The following KLHL8 variants were observed in gnomAD, a reference collection of about 807,000 sequenced individuals.
The protein encoded by KLHL8 is kelch like family member 8.
In KLHL8, 38 loss-of-function variants were observed where a neutral mutation model predicts 63.5. The observed-to-expected ratio is 0.60, with a 90% CI of 0.46 to 0.78. KLHL8 has a LOEUF of 0.78. Among genes scored for constraint, KLHL8 ranks in the 30% least tolerant of loss-of-function variants. KLHL8 has a pLI of 0.00. For missense variants in KLHL8, 566 were observed against 752.4 expected (o/e 0.75, Z 2.90); for synonymous variants, 224 against 254.3 (o/e 0.88, Z 1.13).
upstream of KLHL8, among the ~76,000 whole-genome samples, chr4:87,223,848 G>A (rs28513782): frequency 0.25 from 38,483 of 151,900 alleles, 5,409 homozygotes; most frequent in Non-Finnish European, 0.31. Flanking sequence ...TAAATCGGAC[G>A]AAATGTCTTC....
chr4:87,220,562 G>A lies in KLHL8; in HGVS notation c.-296C>T, dbSNP rs942322265. The A allele has an allele frequency of 1.3e-5, 2 of 152,018 alleles. No individual in the cohort carries two copies. The highest frequency in any genetic ancestry group is 1.3e-4 in the Admixed American group (2 of 15,252). The allele number at this position is 152,018 out of a possible 1,614,324, so 9.4% of individuals were successfully genotyped here. On this transcript the variant is annotated 5_prime_UTR_variant, in exon 1 of 10. Coordinates refer to ENST00000273963, the MANE Select transcript of KLHL8 (RefSeq NM_020803.5). ...GCGCGCTCTCCTGCGCGGCCCCGCG[G>A]AGCCCCGGCGGGCGCTTGGCGTCCT...
In KLHL8 at chr4:87,161,066, T is replaced by TG. The variant is rs1730146250; in HGVS notation, c.*2452dup. The stretch of plus-strand genomic sequence containing the variant: ...CTTTTTTTTTTTTTTTTTTTTGAGA[T>TG]GGAGTTTCACTCTTGTTTCACCGCT... On this transcript the variant is annotated 3_prime_UTR_variant, in exon 10 of 10. Coordinates refer to ENST00000273963, the MANE Select transcript of KLHL8 (RefSeq NM_020803.5). 2 of 136,044 alleles carry TG rather than the reference T, an allele frequency of 1.5e-5. No homozygotes were observed. The highest frequency in any genetic ancestry group is 4.5e-4 in the South Asian group (2 of 4,410). 8.4% of individuals were successfully genotyped at this position (136,044 alleles called of 1,614,324 possible). A position where few individuals can be genotyped will look rare whatever the true frequency, so the allele number is the denominator to read the frequency against.
intron 5 of KLHL8, among the ~76,000 whole-genome samples, chr4:87,177,976 G>T (rs1730895128): frequency 6.6e-6 from 1 of 152,040 alleles, no homozygotes; most frequent in East Asian, 1.9e-4. Flanking sequence ...ACTTCTGGGT[G>T]TTTGTGTTGC....
chr4:87,240,369 T>C (rs1037575204), upstream of KLHL8: 2 of 152,242 alleles, frequency 1.3e-5, no homozygotes, highest in African/African-American at 4.8e-5. Context: ...CACCACTTTG[T>C]ACTTAGAAAG....
intron 8 of KLHL8, among the ~76,000 whole-genome samples, chr4:87,166,335 G>A (rs536989965): frequency 6.6e-6 from 1 of 152,248 alleles, no homozygotes; most frequent in East Asian, 1.9e-4. Flanking sequence ...ATATCTATAA[G>A]AAATATGTTA....
rs113680945 is a variant in KLHL8, at chr4:87,195,432, A to C, written c.108T>G (p.Gly36=). 623 of 1,613,814 alleles carry C rather than the reference A, an allele frequency of 3.9e-4. 2 individuals are homozygous for C. The African/African-American group carries it at 7.0e-3, about 18-fold the overall frequency. ...CAAAAATAAAGGAATCTTCTCCATC[A>C]CCATCACTAATTGAGGATCTGTTCT... The part of the protein sequence containing the change: ...QIKNRSSISD[G]DGEDSFIFEA... Residue 36 remains glycine, a synonymous_variant, in exon 2 of 10, where the codon GGT becomes GGG. Transcript: ENST00000273963.
intron 6 of KLHL8, among the ~76,000 whole-genome samples, chr4:87,171,856 C>T (rs1730646034): frequency 6.6e-6 from 1 of 152,186 alleles, no homozygotes; most frequent in Non-Finnish European, 1.5e-5. Context: ...CTAAGCATAT[C>T]CCATTCTTTC....
At chr4:87,206,941 C>T (rs1168910889) in intron 1 of KLHL8, among the ~76,000 whole-genome samples, 6 of 152,046 alleles carry the variant, frequency 3.9e-5, no homozygotes, top group Admixed American at 6.6e-5. Context: ...GACAATGAGC[C>T]GGAGTCATGA....
At chr4:87,235,517 T>C (rs1733211500) in intron 1 of KLHL8, among the ~76,000 whole-genome samples, 1 of 152,162 alleles carries the variant, frequency 6.6e-6, no homozygotes, top group Non-Finnish European at 1.5e-5. Flanking sequence ...AAGTAACACA[T>C]GGCTGTATTT....
chr4:87,229,063 G>GA (rs1733085906), intron 1 of KLHL8, among the ~76,000 whole-genome samples: 1 of 152,174 alleles, frequency 6.6e-6, no homozygotes, highest in Non-Finnish European at 1.5e-5. Context: ...AGAACCAGAA[G>GA]AAAAACTTTT....
At chr4:87,197,952 GTAAA>G (rs35183985) in intron 1 of KLHL8, among the ~76,000 whole-genome samples, 2,219 of 139,738 alleles carry the variant, frequency 0.016, 24 homozygotes, top group Non-Finnish European at 0.021. Flanking sequence ...ACAGACAATA[GTAAA>G]TAAATAAATA....
chr4:87,180,204 A>C (rs1730998085), intron 4 of KLHL8, among the ~76,000 whole-genome samples: 1 of 152,230 alleles, frequency 6.6e-6, no homozygotes, highest in Non-Finnish European at 1.5e-5. Context: ...TTTATTTAAC[A>C]CACAGTATTA....
chr4:87,223,810 C>T (rs114005757), upstream of KLHL8, among the ~76,000 whole-genome samples: 859 of 152,220 alleles, frequency 5.6e-3, 2 homozygotes, highest in Non-Finnish European at 8.7e-3. Flanking sequence ...ATAAGACATA[C>T]CTCAACTAAA....
intron 1 of KLHL8, among the ~76,000 whole-genome samples, chr4:87,205,665 T>C (rs1322559463): frequency 6.6e-6 from 1 of 152,148 alleles, no homozygotes; most frequent in African/African-American, 2.4e-5. Flanking sequence ...GGTTTTGCCA[T>C]GTTGCCCAGG....
At chr4:87,221,626 TTATTAA>T (rs1056346152), upstream of KLHL8, among the ~76,000 whole-genome samples, 8 of 151,946 alleles carry the variant, frequency 5.3e-5, no homozygotes, top group African/African-American at 1.5e-4. Flanking sequence ...CCTAGGACCT[TTATTAA>T]TATTAACACA....
rs147029722 is a variant in KLHL8, at chr4:87,160,537, C to G, written c.*2982G>C. The G allele has an allele frequency of 2.6e-3, 403 of 152,216 alleles. 4 individuals carry two copies. The highest frequency in any genetic ancestry group is 9.3e-3 in the African/African-American group (386 of 41,550). The allele number at this position is 152,216 out of a possible 1,614,324, so 9.4% of individuals were successfully genotyped here. A position where few individuals can be genotyped will look rare whatever the true frequency, so the allele number is the denominator to read the frequency against. ...TCAACAGCACTGTAAGTTCAAAGTT[C>G]ATTTGGGAATTAAAAGAATGAATAA... On this transcript the variant is annotated 3_prime_UTR_variant, in exon 10 of 10. Coordinates refer to ENST00000273963, the MANE Select transcript of KLHL8 (RefSeq NM_020803.5).
At chr4:87,182,386 T>C (rs1387180222) in intron 4 of KLHL8, among the ~76,000 whole-genome samples, 1 of 152,100 alleles carries the variant, frequency 6.6e-6, no homozygotes, top group African/African-American at 2.4e-5. Context: ...TAAAATCTCA[T>C]TCTACTCATA....
At chr4:87,214,439 T>TAA (rs1732518580) in intron 1 of KLHL8, among the ~76,000 whole-genome samples, 1 of 85,184 alleles carries the variant, frequency 1.2e-5, no homozygotes, top group Admixed American at 1.4e-4. Flanking sequence ...TATATATATA[T>TAA]ATATATATAT....
chr4:87,170,876 T>C (rs1730608044), intron 6 of KLHL8, among the ~76,000 whole-genome samples: 1 of 152,114 alleles, frequency 6.6e-6, no homozygotes, highest in African/African-American at 2.4e-5. Flanking sequence ...AACAATAAAA[T>C]ATAACCCAAC....
Sources: allele counts gnomAD v4.1 joint callset (sites outside exome capture counted in the v4.1 genomes callset), GRCh38; gene constraint gnomAD v4.1.1; transcripts MANE v1.5; gene names NCBI Gene and HGNC (gene_info 2026-07-23, HGNC 2026-07-21).